GALNT14: variants seen among roughly 807,000 people sequenced by gnomAD.
GALNT14 encodes UDP-GalNAc:polypeptide N-acetylgalactosaminyltransferase 14.
A neutral mutation model predicts 77.5 loss-of-function variants in GALNT14; 60 were observed. The ratio of observed to expected loss-of-function variants is 0.77; its 90% confidence interval spans 0.63 to 0.96. The LOEUF is 0.96. Among genes scored for constraint, GALNT14 ranks in the 40% least tolerant of loss-of-function variants. GALNT14 has a pLI of 0.00. For synonymous variants in GALNT14, 280 were observed against 281.7 expected, an observed-to-expected ratio of 0.99 and a Z score of 0.06; for missense variants, 710 against 731.0, an observed-to-expected ratio of 0.97 and a Z score of 0.33.
In GALNT14 at chr2:30,955,926, T is replaced by C; in HGVS notation, c.518A>G (p.Asn173Ser). 6.2e-7 allele frequency: 1 copy of C among 1,614,114 alleles called. No homozygotes were observed. Among genetic ancestry groups the C allele is most frequent in the Non-Finnish European group, 8.5e-7 (1 of 1,180,040 alleles). The change falls in exon 5 of 15, where the codon AAT becomes AGT. Residue 173 changes from asparagine (N) to serine (S), a missense_variant. Transcript: ENST00000349752. ...CTCAGACCTACCTTGCCGTTCATTATTGCGCAAGCATTTCACCTTGGGCAA... is the reference window on the plus strand; with the variant it reads ...CTCAGACCTACCTTGCCGTTCATTACTGCGCAAGCATTTCACCTTGGGCAA... ...IKLPKVKCLRNNERQGLVRSR... is the reference protein window; with the variant it reads ...IKLPKVKCLRSNERQGLVRSR...
chr2:31,009,250 A>G (rs8179779), intron 1 of GALNT14, among the ~76,000 whole-genome samples: 44,747 of 152,038 alleles, frequency 0.29, 6,880 homozygotes, highest in East Asian at 0.4. Flanking sequence ...GCTCAGCACT[A>G]AGGCACAATT....
At position 31,138,274 on chromosome 2, in the gene GALNT14, G is replaced by C; in HGVS notation, c.-188C>G. 1 of 681,510 alleles carries C rather than the reference G, an allele frequency of 1.5e-6. No homozygotes were observed. The highest frequency in any genetic ancestry group is 2.4e-6 in the Non-Finnish European group (1 of 412,716). 42.2% of individuals were successfully genotyped at this position (681,510 alleles called of 1,614,324 possible). A position where few individuals can be genotyped will look rare whatever the true frequency, so the allele number is the denominator to read the frequency against. On this transcript the variant is annotated 5_prime_UTR_variant, in exon 1 of 15. Coordinates refer to ENST00000349752, the MANE Select transcript of GALNT14 (RefSeq NM_024572.4). ...CTTCGAAGAGAAGCGAGCCTGGGTG[G>C]GGGGTGCAGGGCGACCCGAAACGTG...
chr2:30,921,819 G>A (rs1665049501), intron 13 of GALNT14, among the ~76,000 whole-genome samples: 1 of 152,218 alleles, frequency 6.6e-6, no homozygotes, highest in African/African-American at 2.4e-5. Flanking sequence ...GCCGTGACTT[G>A]TGTTGAGTTG....
At chr2:31,132,611 A>G (rs1679046778) in intron 1 of GALNT14, 1 of 414,934 alleles carries the variant, frequency 2.4e-6, no homozygotes. Context: ...GAGAAAATTG[A>G]CAGTGAAAGA....
intron 10 of GALNT14, among the ~76,000 whole-genome samples, chr2:30,931,613 G>T (rs2148251669): frequency 6.6e-6 from 1 of 152,202 alleles, no homozygotes; most frequent in South Asian, 2.1e-4. Flanking sequence ...AGGCCCTGGA[G>T]CAGGGACCTA....
intron 1 of GALNT14, chr2:31,125,131 C>G: frequency 6.6e-7 from 1 of 1,516,336 alleles, no homozygotes; most frequent in Non-Finnish European, 9.0e-7. Context: ...CCTCACACTC[C>G]TGGGGACACA....
chr2:31,041,672 G>A (rs2148500693), intron 1 of GALNT14, among the ~76,000 whole-genome samples: 1 of 152,290 alleles, frequency 6.6e-6, no homozygotes, highest in Admixed American at 6.5e-5. Flanking sequence ...GGAAGAAGGT[G>A]AGCAGGGAGG....
intron 1 of GALNT14, among the ~76,000 whole-genome samples, chr2:31,063,278 G>C (rs1046229996): frequency 2.6e-5 from 4 of 152,154 alleles, no homozygotes; most frequent in African/African-American, 9.7e-5. Context: ...TTCTGCATAT[G>C]GCTAACCAGT....
At chr2:30,920,177 C>A (rs998972040) in intron 13 of GALNT14, among the ~76,000 whole-genome samples, 1 of 152,136 alleles carries the variant, frequency 6.6e-6, no homozygotes, top group Non-Finnish European at 1.5e-5. Context: ...CTATGATATG[C>A]GGCCAGATTC....
intron 1 of GALNT14, among the ~76,000 whole-genome samples, chr2:31,048,279 T>G (rs889843325): frequency 1.1e-4 from 17 of 152,366 alleles, no homozygotes; most frequent in African/African-American, 4.1e-4. Flanking sequence ...TTTTGCTTAC[T>G]TTCTGTTAGG....
chr2:30,985,309 C>T (rs1006515210), intron 2 of GALNT14, among the ~76,000 whole-genome samples: 3 of 152,084 alleles, frequency 2.0e-5, no homozygotes, highest in African/African-American at 7.2e-5. Flanking sequence ...GAGGAGTTAC[C>T]CCTTCGGGAA....
intron 11 of GALNT14, among the ~76,000 whole-genome samples, chr2:30,928,199 G>T (rs76763434): frequency 2.6e-5 from 4 of 152,050 alleles, no homozygotes; most frequent in Non-Finnish European, 5.9e-5. Flanking sequence ...CATTTTGGTG[G>T]GTTCTGATTT....
At chr2:30,941,209 T>C (rs1398396124) in intron 9 of GALNT14, among the ~76,000 whole-genome samples, 1 of 152,208 alleles carries the variant, frequency 6.6e-6, no homozygotes, top group Non-Finnish European at 1.5e-5. Flanking sequence ...GTCCTGACAC[T>C]TTGGGAGGCT....
At chr2:31,028,012 A>G (rs556559538) in intron 1 of GALNT14, among the ~76,000 whole-genome samples, 6 of 152,184 alleles carry the variant, frequency 3.9e-5, no homozygotes, top group African/African-American at 1.4e-4. Flanking sequence ...GCTAATGAGC[A>G]TATGTAGTGA....
At chr2:31,126,341 A>G (rs527258674) in intron 1 of GALNT14, among the ~76,000 whole-genome samples, 3 of 152,212 alleles carry the variant, frequency 2.0e-5, no homozygotes, top group Admixed American at 2.0e-4. Flanking sequence ...GCTTGGGGTG[A>G]GCATATGGAA....
intron 1 of GALNT14, among the ~76,000 whole-genome samples, chr2:31,137,012 G>A (rs964348120): frequency 6.6e-6 from 1 of 152,130 alleles, no homozygotes. Context: ...TCTGGACCCA[G>A]TTTATAAAGA....
intron 1 of GALNT14, among the ~76,000 whole-genome samples, chr2:31,015,297 G>GAAAAAA (rs57122032): frequency 8.3e-6 from 1 of 121,024 alleles, no homozygotes. Flanking sequence ...CATCTCAAAG[G>GAAAAAA]AAAAAAAAAA....
At chr2:30,896,759 C>T in the GALNT14 span, among the ~76,000 whole-genome samples, 1 of 152,152 alleles carries the variant, frequency 6.6e-6, no homozygotes, top group Admixed American at 6.5e-5. Flanking sequence ...GCAGGATCTA[C>T]TTGGCATGAA....
At chr2:31,052,082 G>A (rs1023644513) in intron 1 of GALNT14, among the ~76,000 whole-genome samples, 7 of 152,106 alleles carry the variant, frequency 4.6e-5, no homozygotes, top group African/African-American at 1.2e-4. Flanking sequence ...GCGCTCCACG[G>A]GACCATCCTG....
Sources: allele counts gnomAD v4.1 joint callset (sites outside exome capture counted in the v4.1 genomes callset), GRCh38; gene constraint gnomAD v4.1.1; transcripts MANE v1.5; gene names NCBI Gene and HGNC (gene_info 2026-07-23, HGNC 2026-07-21).